The following TTF1 variants were observed in gnomAD, a reference collection of about 807,000 sequenced individuals.
The protein encoded by TTF1 is transcription termination factor 1, also known as transcription termination factor, RNA polymerase I.
In TTF1, 64 loss-of-function variants were observed where a neutral mutation model predicts 80.2. The observed-to-expected ratio is 0.80, with a 90% CI of 0.65 to 0.98. The LOEUF is 0.98. TTF1 is among the 50% of genes least tolerant of loss of function. The probability of loss-of-function intolerance (pLI) is 0.00; values close to 1 mark genes in which losing one functional copy is unlikely to be tolerated. For synonymous variants in TTF1, 372 were observed against 382.7 expected (o/e 0.97, Z 0.33); for missense variants, 1,023 against 1,086.2 (o/e 0.94, Z 0.82).
In TTF1 at chr9:132,375,564, C is replaced by T. The variant is rs1032477389; in HGVS notation, c.*351G>A. On this transcript the variant is annotated 3_prime_UTR_variant, in exon 11 of 11. Coordinates refer to ENST00000334270, the MANE Select transcript of TTF1 (RefSeq NM_007344.4). ...GTTCCTCTCTTTTCACATTCAAATA[C>T]GTTTTAATAGGAATGGCAATATATT... The T allele has an allele frequency of 8.3e-5, 14 of 168,212 alleles. No individual in the cohort carries two copies. The highest frequency in any genetic ancestry group is 3.0e-4 in the South Asian group (2 of 6,578). The allele number at this position is 168,212 out of a possible 1,614,324, so 10.4% of individuals were successfully genotyped here. A position where few individuals can be genotyped will look rare whatever the true frequency, so the allele number is the denominator to read the frequency against.
intron 9 of TTF1, among the ~76,000 whole-genome samples, chr9:132,381,423 C>G (rs1231626107): frequency 6.6e-6 from 1 of 152,210 alleles, no homozygotes; most frequent in Non-Finnish European, 1.5e-5. Context: ...CTCCTGACCT[C>G]AAGCAATCCA....
intron 1 of TTF1, among the ~76,000 whole-genome samples, chr9:132,403,320 T>C (rs1255663690): frequency 2.0e-5 from 3 of 152,098 alleles, no homozygotes; most frequent in Admixed American, 1.3e-4. Context: ...GCCTTTATGA[T>C]AGAGAAAAAA....
In TTF1 at chr9:132,401,467, T is replaced by C; in HGVS notation, c.1355A>G (p.Gln452Arg). Reference sequence around the variant, plus strand: ...ACTCCCTCGTTACCTTGGCGCCTCTTGCACGTGCTTGCTTGCCAAACAGGC... The same window carrying C: ...ACTCCCTCGTTACCTTGGCGCCTCTCGCACGTGCTTGCTTGCCAAACAGGC... ...TQACLASKHV[Q>R]EAPRLEPANE... is the part of the protein sequence containing the mutation. Residue 452 changes from glutamine to arginine, a missense_variant, in exon 2 of 11, where the codon CAA (glutamine) becomes CGA (arginine). Coordinates refer to ENST00000334270, the MANE Select transcript of TTF1 (RefSeq NM_007344.4). 6.2e-7 allele frequency: 1 copy of C among 1,610,346 alleles called. No homozygotes were observed. Among genetic ancestry groups the C allele is most frequent in the Non-Finnish European group, 8.5e-7 (1 of 1,177,772 alleles).
chr9:132,402,668 T>G lies in TTF1; in HGVS notation c.154A>C (p.Arg52=). Residue 52 remains arginine, a synonymous_variant, in exon 2 of 11, where the codon AGG becomes CGG. Coordinates refer to ENST00000334270, the MANE Select transcript of TTF1 (RefSeq NM_007344.4). ...TGGAAATCTTTTTTCCTCTTTTTCC[T>G]CCTAGTTATTTGAGACTGTTCATTC... ...LVNEQSQITR[R]KKRKKDFQHL... is the part of the protein sequence containing the mutation. 1 of 1,613,562 alleles carries G rather than the reference T, an allele frequency of 6.2e-7. No homozygotes were observed.
intron 5 of TTF1, among the ~76,000 whole-genome samples, chr9:132,396,119 A>G (rs1330504679): frequency 6.6e-6 from 1 of 152,204 alleles, no homozygotes; most frequent in Admixed American, 6.5e-5. Context: ...TGGGTTCACA[A>G]GGAGCTTATG....
rs1198531069 is a variant in TTF1, at chr9:132,401,197, A to AT, written c.1367+257dup. 2.6e-5 allele frequency among the ~76,000 whole-genome samples: 4 copies of AT among 152,024 alleles called. No homozygotes were observed. In the East Asian group the frequency reaches 7.7e-4, roughly 29 times the overall value. On this transcript the variant is annotated intron_variant, in intron 2 of 10. Transcript: ENST00000334270. Reference sequence around the variant, plus strand: ...ATACAAAATTAGCCAGGCATGGTGCATGCCGGTAATCTCAGCTACTCAGGA... The same window carrying AT: ...ATACAAAATTAGCCAGGCATGGTGCATTGCCGGTAATCTCAGCTACTCAGGA...
At chr9:132,379,648 G>C (rs1228512777) in intron 9 of TTF1, among the ~76,000 whole-genome samples, 2 of 152,194 alleles carry the variant, frequency 1.3e-5, no homozygotes, top group African/African-American at 4.8e-5. Context: ...TCATCAAGTA[G>C]TGTGACTCCA....
chr9:132,378,836 C>A (rs1483600872), intron 10 of TTF1, among the ~76,000 whole-genome samples: 1 of 151,958 alleles, frequency 6.6e-6, no homozygotes, highest in South Asian at 2.1e-4. Context: ...ACAGAGTGGT[C>A]GCTAAGTGTC....
Position 132,398,244 on chromosome 9 carries a change from T to C in TTF1, c.1674A>G (p.Thr558=), listed in dbSNP as rs1849692921. 1.2e-6 allele frequency: 2 copies of C among 1,608,752 alleles called. No individual in the cohort carries two copies. Among genetic ancestry groups the C allele is most frequent in the Middle Eastern group, 1.6e-4 (1 of 6,074 alleles). The change falls in exon 4 of 11, where the codon ACA becomes ACG. Residue 558 remains threonine (T), a synonymous_variant. Coordinates refer to ENST00000334270, the MANE Select transcript of TTF1 (RefSeq NM_007344.4). ...GCAGCTTGTCTGCACTCTCAATGCC[T>C]GTCAGGGCTAGAAAGTCTTCCACAT... is the stretch of plus-strand genomic sequence containing the variant. ...EKNVEDFLAL[T]GIESADKLLY...
intron 5 of TTF1, among the ~76,000 whole-genome samples, chr9:132,392,484 C>T (rs896067157): frequency 2.6e-5 from 4 of 152,170 alleles, no homozygotes; most frequent in Admixed American, 6.5e-5. Context: ...GTGGTGGAAA[C>T]GGCCTTCCTC....
In TTF1 at chr9:132,377,886, TGA is replaced by T. The variant is rs1161665873; in HGVS notation, c.2464+1171_2464+1172del. On this transcript the variant is annotated intron_variant, in intron 10 of 10. Coordinates refer to ENST00000334270, the MANE Select transcript of TTF1 (RefSeq NM_007344.4). The stretch of plus-strand genomic sequence containing the variant: ...TGTGAGTGCATGCATGTGGTGTGTG[TGA>T]GTGCATGTGGTGTGAGTGCATGTGT... Among the ~76,000 whole-genome samples, 13 of 135,696 alleles carry T rather than the reference TGA, an allele frequency of 9.6e-5. No individual in the cohort carries two copies. The East Asian group carries it at 1.4e-3, about 15-fold the overall frequency. 89.0% of individuals were successfully genotyped at this position (135,696 alleles called of 152,430 possible).
chr9:132,400,109 T>C lies in TTF1; in HGVS notation c.1517A>G (p.Lys506Arg). 6.2e-7 allele frequency: 1 copy of C among 1,614,198 alleles called. No homozygotes were observed. Among genetic ancestry groups the C allele is most frequent in the Non-Finnish European group, 8.5e-7 (1 of 1,180,034 alleles). Residue 506 changes from lysine (K) to arginine (R), a missense_variant, in exon 3 of 11, where the codon AAG becomes AGG. Lys to Arg is a conservative substitution (Grantham distance 26, BLOSUM62 2). Coordinates refer to ENST00000334270, the MANE Select transcript of TTF1 (RefSeq NM_007344.4). ...KQLQEFIPNIKDRATSTIKRM... is the reference protein window; with the variant it reads ...KQLQEFIPNIRDRATSTIKRM... ...CTTGATTGTGCTGGTGGCCCTGTCC[T>C]TGATGTTAGGAATGAACTCCTGAAG... is the stretch of plus-strand genomic sequence containing the variant.
At chr9:132,406,534 G>T (rs1012563456) in intron 1 of TTF1, among the ~76,000 whole-genome samples, 1 of 151,682 alleles carries the variant, frequency 6.6e-6, no homozygotes. Context: ...CCCAGGAAGC[G>T]GAGGTTGCAG....
chr9:132,398,302 A>G lies in TTF1; in HGVS notation c.1616T>C (p.Phe539Ser), dbSNP rs141031290. ...TAACTGCTTATTTTCCTTTACAGAA[A>G]ACTTGCCAAATTTAATAGCGACACC... is the stretch of plus-strand genomic sequence containing the variant. ...AQGVAIKFGKFSVKENKQLEK... is the reference protein window; with the variant it reads ...AQGVAIKFGKSSVKENKQLEK... Residue 539 changes from phenylalanine to serine, a missense_variant, in exon 4 of 11, where the codon TTT becomes TCT. By Grantham distance (155) the Phe-to-Ser change is radical. Transcript: ENST00000334270. 6.2e-7 allele frequency: 1 copy of G among 1,607,952 alleles called. No individual in the cohort carries two copies. The highest frequency in any genetic ancestry group is 1.3e-5 in the African/African-American group (1 of 74,456).
At chr9:132,388,098 G>T in intron 8 of TTF1, 41 bp downstream of exon 8, 1 of 1,496,490 alleles carries the variant, frequency 6.7e-7, no homozygotes, top group Non-Finnish European at 9.2e-7. Context: ...TTTGGCTAGA[G>T]ACAGAAACAG....
rs146429178 is a variant in TTF1 at position 132,401,901 on chromosome 9, C to T, written c.921G>A (p.Met307Ile). ...SQVGSEVGAD[M>I]QESRPAVGLH... ...GGCCCACAGCAGGCCGGGATTCCTG[C>T]ATATCAGCCCCAACCTCACTGCCCA... Residue 307 changes from methionine to isoleucine, a missense_variant, in exon 2 of 11, where the codon ATG (methionine) becomes ATA (isoleucine). Met to Ile is a conservative substitution (Grantham distance 10). Transcript: ENST00000334270. The T allele has an allele frequency of 2.5e-5, 40 of 1,610,824 alleles. No individual in the cohort carries two copies. In the African/African-American group the frequency reaches 4.5e-4, roughly 18 times the overall value.
intron 1 of TTF1, among the ~76,000 whole-genome samples, chr9:132,405,228 A>G (rs569351013): frequency 3.6e-5 from 5 of 138,382 alleles, no homozygotes; most frequent in Non-Finnish European, 7.8e-5. Context: ...TTTTGGAGAC[A>G]GAATCTCGTT....
Position 132,386,615 on chromosome 9 carries a change from A to G in TTF1, c.2319T>C (p.Tyr773=), listed in dbSNP as rs748904820. The change falls in exon 9 of 11, where the codon TAT becomes TAC. Residue 773 remains tyrosine (Y), a synonymous_variant. Coordinates refer to ENST00000334270, the MANE Select transcript of TTF1 (RefSeq NM_007344.4). ...CATTAGTATCTTCCACATTTATTTC[A>G]TACAACCTGTGAGAAAAAATAAAAA... The part of the protein sequence containing the change: ...RAKVSLIERL[Y]EINVEDTNEI... The G allele has an allele frequency of 6.2e-7, 1 of 1,610,188 alleles. No homozygotes were observed.
intron 5 of TTF1, among the ~76,000 whole-genome samples, chr9:132,395,736 A>G (rs1266799500): frequency 6.6e-6 from 1 of 152,204 alleles, no homozygotes; most frequent in African/African-American, 2.4e-5. Flanking sequence ...CCGCTGCCAG[A>G]AGATTTATGA....
Sources: gnomAD v4.1 joint callset for allele counts (sites outside exome capture counted in the v4.1 genomes callset) on GRCh38, gnomAD v4.1.1 for gene constraint, MANE v1.5 for transcripts, NCBI Gene and HGNC (gene_info 2026-07-23, HGNC 2026-07-21) for gene names.